ZFPM2: variants seen among roughly 807,000 people sequenced by gnomAD.
The protein encoded by ZFPM2 is zinc finger protein, FOG family member 2.
In ZFPM2, 20 loss-of-function variants were observed where a neutral mutation model predicts 98.6. That is an observed-to-expected ratio of 0.20 (90% CI 0.14 to 0.29). The LOEUF is 0.29. Ranked by LOEUF, ZFPM2 falls within the 10% of genes least tolerant of loss-of-function variation. ZFPM2 has a pLI of 1.00. For synonymous variants in ZFPM2, 518 were observed against 502.7 expected (o/e 1.03, Z -0.41); for missense variants, 1,310 against 1,388.6 (o/e 0.94, Z 0.90).
chr8:105,658,129 A>G (rs1367238666), intron 5 of ZFPM2, among the ~76,000 whole-genome samples: 4 of 152,198 alleles, frequency 2.6e-5, no homozygotes. Context: ...AGAGGAAAGC[A>G]GTTTTTATTG....
At chr8:105,537,396 C>T in intron 3 of ZFPM2, among the ~76,000 whole-genome samples, 1 of 152,130 alleles carries the variant, frequency 6.6e-6, no homozygotes, top group East Asian at 1.9e-4. Flanking sequence ...TATCTTTTGT[C>T]CAGGCATGGT....
At chr8:105,385,898 A>G (rs1367374001) in intron 1 of ZFPM2, among the ~76,000 whole-genome samples, 1 of 152,274 alleles carries the variant, frequency 6.6e-6, no homozygotes, top group East Asian at 1.9e-4. Context: ...GGCTAAGTAT[A>G]TGGGTTCTGA....
intron 5 of ZFPM2, among the ~76,000 whole-genome samples, chr8:105,654,489 G>T (rs1343671958): frequency 6.6e-6 from 1 of 152,148 alleles, no homozygotes; most frequent in Admixed American, 6.5e-5. Flanking sequence ...TACACATCCA[G>T]TTCTTGGATT....
chr8:105,548,585 T>A (rs1301391569), intron 3 of ZFPM2, among the ~76,000 whole-genome samples: 2 of 152,196 alleles, frequency 1.3e-5, no homozygotes, highest in Non-Finnish European at 2.9e-5. Context: ...TATTGTAACA[T>A]AACAAATGTG....
intron 4 of ZFPM2, among the ~76,000 whole-genome samples, chr8:105,578,013 T>C (rs1815505802): frequency 6.6e-6 from 1 of 152,118 alleles, no homozygotes; most frequent in Non-Finnish European, 1.5e-5. Flanking sequence ...AGTATTTATC[T>C]CTAGACTTAA....
intron 5 of ZFPM2, among the ~76,000 whole-genome samples, chr8:105,734,028 A>C (rs1812011492): frequency 6.6e-6 from 1 of 151,884 alleles, no homozygotes; most frequent in African/African-American, 2.4e-5. Flanking sequence ...GTTTTCATGA[A>C]TAACGCAAGT....
intron 4 of ZFPM2, among the ~76,000 whole-genome samples, chr8:105,582,676 C>T (rs866025484): frequency 3.9e-5 from 6 of 152,292 alleles, no homozygotes; most frequent in African/African-American, 1.2e-4. Context: ...TCACTGCCAC[C>T]TCCACCTCTC....
intron 3 of ZFPM2, among the ~76,000 whole-genome samples, chr8:105,486,417 A>G (rs1390616855): frequency 6.6e-6 from 1 of 152,052 alleles, no homozygotes; most frequent in Non-Finnish European, 1.5e-5. Flanking sequence ...TTGGCCTAAC[A>G]AAGGAGTCCA....
chr8:105,430,060 C>A (rs544073224), intron 2 of ZFPM2, among the ~76,000 whole-genome samples: 2 of 152,126 alleles, frequency 1.3e-5, no homozygotes, highest in Admixed American at 6.5e-5. Flanking sequence ...TTCTGAGGCT[C>A]GTTTGACAGG....
chr8:105,666,389 A>G (rs191960431), intron 5 of ZFPM2, among the ~76,000 whole-genome samples: 1 of 152,342 alleles, frequency 6.6e-6, no homozygotes, highest in African/African-American at 2.4e-5. Flanking sequence ...CCTTTCTATC[A>G]CAGTGATTTT....
At chr8:105,426,732 G>A (rs1214917024) in intron 2 of ZFPM2, among the ~76,000 whole-genome samples, 2 of 152,064 alleles carry the variant, frequency 1.3e-5, no homozygotes, top group African/African-American at 4.8e-5. Flanking sequence ...CAGATCAAGA[G>A]GTCAGGAGTT....
chr8:105,728,536 T>C (rs180695640), intron 5 of ZFPM2, among the ~76,000 whole-genome samples: 1 of 151,868 alleles, frequency 6.6e-6, no homozygotes, highest in African/African-American at 2.4e-5. Context: ...CACATGTGAC[T>C]CATGCACACC....
intron 5 of ZFPM2, among the ~76,000 whole-genome samples, chr8:105,738,948 C>T (rs1321917107): frequency 1.3e-5 from 2 of 152,028 alleles, no homozygotes; most frequent in Non-Finnish European, 2.9e-5. Context: ...TCATTCAGAA[C>T]TCATGCATTT....
At chr8:105,632,436 C>T (rs1323921837) in intron 4 of ZFPM2, among the ~76,000 whole-genome samples, 1 of 152,092 alleles carries the variant, frequency 6.6e-6, no homozygotes, top group Non-Finnish European at 1.5e-5. Flanking sequence ...TCCCAAAGTG[C>T]TGGGATTGTA....
chr8:105,384,038 T>C (rs1463511487), intron 1 of ZFPM2, among the ~76,000 whole-genome samples: 2 of 152,082 alleles, frequency 1.3e-5, no homozygotes, highest in East Asian at 3.9e-4. Context: ...TTAGGAAATA[T>C]GCTATAATTA....
At chr8:105,433,933 A>C (rs1366936050) in intron 2 of ZFPM2, among the ~76,000 whole-genome samples, 1 of 152,214 alleles carries the variant, frequency 6.6e-6, no homozygotes, top group Non-Finnish European at 1.5e-5. Flanking sequence ...TGATCTGCTT[A>C]ATCTTTCATA....
intron 6 of ZFPM2, among the ~76,000 whole-genome samples, chr8:105,795,360 C>A (rs1813766768): frequency 6.6e-6 from 1 of 151,378 alleles, no homozygotes; most frequent in African/African-American, 2.4e-5. Context: ...GTCACACACA[C>A]ACACACACAC....
chr8:105,342,219 A>G (rs1812443599), intron 1 of ZFPM2, among the ~76,000 whole-genome samples: 1 of 152,080 alleles, frequency 6.6e-6, no homozygotes, highest in Admixed American at 6.6e-5. Context: ...CCTTTCTGCC[A>G]CATATGTTGG....
Position 105,795,711 on chromosome 8 carries a change from A to T in ZFPM2, c.740-3013A>T, listed in dbSNP as rs946992386. On this transcript the variant is annotated intron_variant, in intron 6 of 7. Coordinates refer to ENST00000407775, the MANE Select transcript of ZFPM2 (RefSeq NM_012082.4). ...ATTTACCTTTGTGATTTTACTTCAT[A>T]AAAAAGAAATTGAACTTAACTTAGT... The T allele has an allele frequency of 3.8e-5, 15 of 397,918 alleles. 1 individual carries two copies. Among genetic ancestry groups the T allele is most frequent in the South Asian group, 2.8e-4 (15 of 54,006 alleles). The allele number at this position is 397,918 out of a possible 1,614,324, so 24.6% of individuals were successfully genotyped here.
Sources: allele counts gnomAD v4.1 joint callset (sites outside exome capture counted in the v4.1 genomes callset), GRCh38; gene constraint gnomAD v4.1.1; transcripts MANE v1.5; gene names NCBI Gene and HGNC (gene_info 2026-07-23, HGNC 2026-07-21).